The following STRAP variants were observed in gnomAD, a reference collection of about 807,000 sequenced individuals.
The protein encoded by STRAP is serine-threonine kinase receptor-associated protein.
A neutral mutation model predicts 47.0 loss-of-function variants in STRAP; 16 were observed. That is an observed-to-expected ratio of 0.34 (90% CI 0.23 to 0.52). The LOEUF is 0.52. STRAP is among the 20% of genes least tolerant of loss of function. STRAP has a pLI of 0.96. For synonymous variants in STRAP, 130 were observed against 142.7 expected (o/e 0.91, Z 0.63); for missense variants, 293 against 420.0 (o/e 0.70, Z 2.64).
In STRAP at chr12:15,894,743, A is replaced by T. The variant is rs1948046491; in HGVS notation, c.500+600A>T. ...TCCTATTTTCAGGTTAGGAATTCTC[A>T]GTTGGTAAGTGTCTAATGCAAATAT... On this transcript the variant is annotated intron_variant, in intron 5 of 9. Transcript: ENST00000419869. This position sits in a 1 kb window ranked among gnomAD's most constrained non-coding sequence, Gnocchi z 4.9. Among the ~76,000 whole-genome samples, 1 of 152,222 alleles carries T rather than the reference A, an allele frequency of 6.6e-6. No individual in the cohort carries two copies.
Position 15,890,485 on chromosome 12 carries a change from A to G in STRAP, c.331-112A>G. Reference sequence around the variant, plus strand: ...CAGAAGTAATTGGTTATGTCTTGGCATCTCTTTGTGATGTCTGTGAGCTAG... The same window carrying G: ...CAGAAGTAATTGGTTATGTCTTGGCGTCTCTTTGTGATGTCTGTGAGCTAG... On this transcript the variant is annotated intron_variant, in intron 3 of 9. Transcript: ENST00000419869. This position sits in a 1 kb window ranked among gnomAD's most constrained non-coding sequence, Gnocchi z 4.5. The G allele has an allele frequency of 1.2e-6, 1 of 868,484 alleles. No homozygotes were observed. The highest frequency in any genetic ancestry group is 1.9e-6 in the Non-Finnish European group (1 of 535,688). 53.8% of individuals were successfully genotyped at this position (868,484 alleles called of 1,614,324 possible).
Position 15,895,501 on chromosome 12 carries a change from G to A in STRAP, c.638+5G>A. 2 of 1,582,722 alleles carry A rather than the reference G, an allele frequency of 1.3e-6. No individual in the cohort carries two copies. The highest frequency in any genetic ancestry group is 2.3e-5 in the East Asian group (1 of 43,866). ...TGCTTTTCATAGTGCAGTAAGGTAT[G>A]TCCAAGAAATACTTTCATTTTCTTT... is the stretch of plus-strand genomic sequence containing the variant. On this transcript the variant is annotated splice_donor_5th_base_variant and intron_variant, in intron 6 of 9. Coordinates refer to ENST00000419869, the MANE Select transcript of STRAP (RefSeq NM_007178.4).
intron 4 of STRAP, among the ~76,000 whole-genome samples, chr12:15,893,615 G>C (rs1403232311): frequency 7.1e-6 from 1 of 141,636 alleles, no homozygotes; most frequent in Non-Finnish European, 1.5e-5. Context: ...TTGTATTATT[G>C]TACAAATAAA....
chr12:15,902,811 C>T (rs1223630226), intron 9 of STRAP, 106 bp from the exon 10 acceptor site: 4 of 1,342,786 alleles, frequency 3.0e-6, no homozygotes, highest in Non-Finnish European at 3.9e-6. Flanking sequence ...GTATGCTTTA[C>T]AAACACTTTT....
At chr12:15,885,192 T>TTTTTTTTTTTTTTC (rs1947959564) in intron 2 of STRAP, among the ~76,000 whole-genome samples, 1 of 148,622 alleles carries the variant, frequency 6.7e-6, no homozygotes, top group African/African-American at 2.5e-5. Flanking sequence ...TTTTTTTTTT[T>TTTTTTTTTTTTTTC]TTTTTTTTTT....
intron 9 of STRAP, among the ~76,000 whole-genome samples, chr12:15,902,276 A>G (rs1200106134): frequency 6.6e-6 from 1 of 152,112 alleles, no homozygotes; most frequent in Non-Finnish European, 1.5e-5. Context: ...CCGGCCTATC[A>G]TGTAGTTTTT....
chr12:15,889,957 A>T lies in STRAP; in HGVS notation c.278A>T (p.Glu93Val). The T allele has an allele frequency of 6.2e-7, 1 of 1,613,854 alleles. No homozygotes were observed. Among genetic ancestry groups the T allele is most frequent in the Non-Finnish European group, 8.5e-7 (1 of 1,179,858 alleles). Reference sequence around the variant, plus strand: ...GTGTGGGATGCTGTCTCAGGAGATGAATTGATGACCCTGGCTCATAAACAC... The same window carrying T: ...GTGTGGGATGCTGTCTCAGGAGATGTATTGATGACCCTGGCTCATAAACAC... Reference protein sequence around the residue: ...AKVWDAVSGDELMTLAHKHIV... With the variant: ...AKVWDAVSGDVLMTLAHKHIV... The change falls in exon 3 of 10, where the codon GAA becomes GTA. Residue 93 changes from glutamate (E) to valine (V), a missense_variant. Glu to Val is a moderately radical substitution (Grantham distance 121, BLOSUM62 -2). Coordinates refer to ENST00000419869, the MANE Select transcript of STRAP (RefSeq NM_007178.4).
chr12:15,894,184 G>A lies in STRAP; in HGVS notation c.500+41G>A, dbSNP rs202206982. ...TTAATAATTTACAATTTAAGGCCGG[G>A]CATGGTGGCTCACGCCTATAATCTC... On this transcript the variant is annotated intron_variant, in intron 5 of 9. Transcript: ENST00000419869. This position sits in a 1 kb window ranked among gnomAD's most constrained non-coding sequence, Gnocchi z 4.9. 6.6e-7 allele frequency: 1 copy of A among 1,526,008 alleles called. No homozygotes were observed. The highest frequency in any genetic ancestry group is 1.1e-5 in the South Asian group (1 of 89,012). 94.5% of individuals were successfully genotyped at this position (1,526,008 alleles called of 1,614,324 possible). A position where few individuals can be genotyped will look rare whatever the true frequency, so the allele number is the denominator to read the frequency against.
intron 4 of STRAP, among the ~76,000 whole-genome samples, 174 bp from the exon 5 acceptor site, chr12:15,893,873 A>T (rs1362481159): frequency 6.6e-6 from 1 of 152,074 alleles, no homozygotes; most frequent in Non-Finnish European, 1.5e-5. Flanking sequence ...TTATGTTCCA[A>T]TATAGAAAAA....
intron 1 of STRAP, 125 bp from the exon 2 acceptor site, chr12:15,883,416 G>A: frequency 9.4e-7 from 1 of 1,062,442 alleles, no homozygotes; most frequent in Non-Finnish European, 1.3e-6. Flanking sequence ...AGTGGGTGGT[G>A]GTAGTTAAAT....
In STRAP at chr12:15,894,146, A is replaced by T; in HGVS notation, c.500+3A>T. ...TCTGCTGATGACAAAACTGTTCGGT[A>T]AGTAATTTTTCTTTAATAATTTACA... On this transcript the variant is annotated splice_donor_region_variant and intron_variant, in intron 5 of 9. Coordinates refer to ENST00000419869, the MANE Select transcript of STRAP (RefSeq NM_007178.4). The surrounding 1 kb of genome is among the most constrained non-coding windows in gnomAD (Gnocchi z 4.9). 1 of 1,610,368 alleles carries T rather than the reference A, an allele frequency of 6.2e-7. No homozygotes were observed. Among genetic ancestry groups the T allele is most frequent in the Non-Finnish European group, 8.5e-7 (1 of 1,177,778 alleles).
intron 8 of STRAP, 39 bp downstream of exon 8, chr12:15,900,092 G>T (rs1371145377): frequency 6.4e-6 from 10 of 1,561,810 alleles, no homozygotes; most frequent in Non-Finnish European, 8.7e-6. Context: ...TTTTTAAAAT[G>T]CATGATTTTA....
rs149067547 is a variant in STRAP at position 15,894,127 on chromosome 12, G to C, written c.484G>C (p.Asp162His). The C allele has an allele frequency of 3.7e-6, 6 of 1,612,938 alleles. No individual in the cohort carries two copies. Among genetic ancestry groups the C allele is most frequent in the African/African-American group, 1.3e-5 (1 of 74,872 alleles). The change falls in exon 5 of 10, where the codon GAT (aspartate) becomes CAT (histidine). Residue 162 changes from aspartate to histidine, a missense_variant. Transcript: ENST00000419869. The surrounding 1 kb of genome is among the most constrained non-coding windows in gnomAD (Gnocchi z 4.9). The stretch of plus-strand genomic sequence containing the variant: ...TGAGGATAAACAGATTCTTTCTGCT[G>C]ATGACAAAACTGTTCGGTAAGTAAT... ...CSEDKQILSA[D>H]DKTVRLWDHA...
rs1004541200 is a variant in STRAP at position 15,894,518 on chromosome 12, A to G, written c.500+375A>G. On this transcript the variant is annotated intron_variant, in intron 5 of 9. Transcript: ENST00000419869. The surrounding 1 kb of genome is among the most constrained non-coding windows in gnomAD (Gnocchi z 4.9). ...ACCTTAGAGCTTATATTTTAAATAC[A>G]TTTAATATTATGTGTGAAAAATGTT... Among the ~76,000 whole-genome samples the G allele has an allele frequency of 2.0e-5, 3 of 152,208 alleles. No individual in the cohort carries two copies. The highest frequency in any genetic ancestry group is 7.2e-5 in the African/African-American group (3 of 41,462).
chr12:15,883,806 C>T (rs2136106620), intron 2 of STRAP, 130 bp downstream of exon 2: 1 of 1,264,286 alleles, frequency 7.9e-7, no homozygotes, highest in East Asian at 2.6e-5. Flanking sequence ...ATGTTTGATC[C>T]CACCAAAATT....
chr12:15,894,060 T>C lies in STRAP; in HGVS notation c.417T>C (p.Ile139=), dbSNP rs750682679. 1.9e-6 allele frequency: 3 copies of C among 1,612,308 alleles called. No individual in the cohort carries two copies. The highest frequency in any genetic ancestry group is 2.2e-5 in the South Asian group (2 of 90,930). The change falls in exon 5 of 10, where the codon ATT becomes ATC. Residue 139 remains isoleucine (I), a synonymous_variant. Coordinates refer to ENST00000419869, the MANE Select transcript of STRAP (RefSeq NM_007178.4). This position sits in a 1 kb window ranked among gnomAD's most constrained non-coding sequence, Gnocchi z 4.9. Reference sequence around the variant, plus strand: ...TTTTATCTCAAGAACCTAAGGAAATTAGTGGTCATACTTCTGGTATAAAAA... The same window carrying C: ...TTTTATCTCAAGAACCTAAGGAAATCAGTGGTCATACTTCTGGTATAAAAA... ...LNKPEAEPKE[I]SGHTSGIKKA...
chr12:15,886,784 C>T (rs1221026313), intron 2 of STRAP, among the ~76,000 whole-genome samples: 1 of 152,038 alleles, frequency 6.6e-6, no homozygotes, highest in Non-Finnish European at 1.5e-5. Context: ...TTGGAAAACT[C>T]ATTTATGGTG....
In STRAP at chr12:15,882,410, G is replaced by C. The variant is rs948540982; in HGVS notation, c.-298G>C. 1 of 470,440 alleles carries C rather than the reference G, an allele frequency of 2.1e-6. No homozygotes were observed. The highest frequency in any genetic ancestry group is 2.6e-5 in the South Asian group (1 of 38,466). 29.1% of individuals were successfully genotyped at this position (470,440 alleles called of 1,614,324 possible). On this transcript the variant is annotated 5_prime_UTR_variant, in exon 1 of 10. Transcript: ENST00000419869. ...TACGTCGTCACTTCCTGCCGATGCCGGTGTGGACGCTGTGAATCGTGGCTG... is the reference window on the plus strand; with the variant it reads ...TACGTCGTCACTTCCTGCCGATGCCCGTGTGGACGCTGTGAATCGTGGCTG...
chr12:15,902,449 A>G (rs1948113091), intron 9 of STRAP, among the ~76,000 whole-genome samples: 1 of 152,144 alleles, frequency 6.6e-6, no homozygotes, highest in South Asian at 2.1e-4. Flanking sequence ...GGAGGTTGGG[A>G]AGGTGTTTAC....
Sources: gnomAD v4.1 joint callset for allele counts (sites outside exome capture counted in the v4.1 genomes callset) on GRCh38, gnomAD v4.1.1 for gene constraint, Gnocchi (gnomAD v3.1) non-coding constraint, MANE v1.5 for transcripts, NCBI Gene and HGNC (gene_info 2026-07-23, HGNC 2026-07-21) for gene names.